The following PEAK1 variants were observed in gnomAD, a reference collection of about 807,000 sequenced individuals.
The protein encoded by PEAK1 is inactive tyrosine-protein kinase PEAK1.
Under a neutral mutation model 124.7 loss-of-function variants are expected in PEAK1, and 54 were observed. That is an observed-to-expected ratio of 0.43 (90% CI 0.35 to 0.54). The LOEUF is 0.54. Ranked by LOEUF, PEAK1 falls within the 20% of genes least tolerant of loss-of-function variation. The pLI is 0.01. For synonymous variants in PEAK1, 719 were observed against 760.0 expected (o/e 0.95, Z 0.89); for missense variants, 2,046 against 2,134.5 (o/e 0.96, Z 0.82).
intron 5 of PEAK1, among the ~76,000 whole-genome samples, chr15:77,257,140 G>A (rs1298558925): frequency 6.6e-6 from 1 of 152,074 alleles, no homozygotes; most frequent in African/African-American, 2.4e-5. Flanking sequence ...TGGACATTTG[G>A]GTTGGTTCCA....
rs546016105 is a variant in PEAK1, at chr15:77,159,637, T to C, written c.3138-941A>G. On this transcript the variant is annotated intron_variant, in intron 7 of 9. Coordinates refer to ENST00000682557, the MANE Select transcript of PEAK1 (RefSeq NM_001385026.1). The stretch of plus-strand genomic sequence containing the variant: ...TTAGCTATTTTTCCTGGTTTCTTTA[T>C]GAAAAAAAGAAAGAAGGAAGGAAAG... 5.9e-5 allele frequency among the ~76,000 whole-genome samples: 9 copies of C among 152,230 alleles called. No homozygotes were observed. In the East Asian group the frequency reaches 1.4e-3, roughly 23 times the overall value.
intron 8 of PEAK1, among the ~76,000 whole-genome samples, chr15:77,137,887 C>A (rs2053466289): frequency 6.6e-6 from 1 of 152,048 alleles, no homozygotes; most frequent in Non-Finnish European, 1.5e-5. Context: ...ATCTTGAATT[C>A]CCACATGTTG....
intron 7 of PEAK1, among the ~76,000 whole-genome samples, chr15:77,171,398 T>TA (rs1195061172): frequency 1.3e-5 from 2 of 152,216 alleles, no homozygotes; most frequent in East Asian, 3.9e-4. Flanking sequence ...TGGAGGACAT[T>TA]ATGCTAGGTG....
rs756962695 is a variant in PEAK1 at position 77,180,301 on chromosome 15, T to C, written c.1626A>G (p.Arg542=). 1.2e-6 allele frequency: 2 copies of C among 1,614,174 alleles called. No individual in the cohort carries two copies. Among genetic ancestry groups the C allele is most frequent in the Non-Finnish European group, 1.7e-6 (2 of 1,180,004 alleles). The part of the protein sequence containing the change: ...QEVWTSSTSP[R]QKIPKVELIT... ...TTAGTTCTACTTTAGGTATCTTTTG[T>C]CGTGGACTGGTGCTAGAAGTCCATA... Residue 542 remains arginine, a synonymous_variant, in exon 7 of 10, where the codon CGA becomes CGG. Coordinates refer to ENST00000682557, the MANE Select transcript of PEAK1 (RefSeq NM_001385026.1).
At chr15:77,336,740 C>T (rs2066224858) in intron 2 of PEAK1, among the ~76,000 whole-genome samples, 1 of 151,738 alleles carries the variant, frequency 6.6e-6, no homozygotes, top group Admixed American at 6.6e-5. Flanking sequence ...TTGAATACAC[C>T]CAAGTGCCAT....
chr15:77,313,650 GTA>G (rs1309164453), intron 2 of PEAK1, among the ~76,000 whole-genome samples: 2,448 of 114,724 alleles, frequency 0.021, 47 homozygotes, highest in African/African-American at 0.032. Context: ...ATGTATGTAT[GTA>G]TGTGTGTGTG....
In PEAK1 at chr15:77,317,301, A is replaced by T. The variant is rs78184512; in HGVS notation, c.-602-30797T>A. 3.5e-3 allele frequency among the ~76,000 whole-genome samples: 538 copies of T among 152,318 alleles called. 7 individuals are homozygous for T. Among genetic ancestry groups the T allele is most frequent in the African/African-American group, 0.012 (507 of 41,574 alleles). On this transcript the variant is annotated intron_variant, in intron 2 of 9. Transcript: ENST00000682557. ...GTATGCATTATTTTTATGAACAGAA[A>T]AACAAAGATAAAATATGCCTTCATT...
At chr15:77,337,339 G>T (rs1209993364) in intron 2 of PEAK1, 10 of 963,168 alleles carry the variant, frequency 1.0e-5, no homozygotes, top group Non-Finnish European at 1.2e-5. Flanking sequence ...TTTGAGAGGA[G>T]AAACCATCAG....
intron 8 of PEAK1, among the ~76,000 whole-genome samples, chr15:77,147,572 G>A (rs1408321192): frequency 6.6e-6 from 1 of 151,992 alleles, no homozygotes; most frequent in Non-Finnish European, 1.5e-5. Flanking sequence ...AGAAACACAG[G>A]GAAAATGTTC....
At chr15:77,309,571 T>C (rs2064308500) in intron 2 of PEAK1, among the ~76,000 whole-genome samples, 1 of 152,124 alleles carries the variant, frequency 6.6e-6, no homozygotes, top group African/African-American at 2.4e-5. Flanking sequence ...AATGTAATGG[T>C]GTAATAAAGT....
chr15:77,203,124 T>C (rs2058452708), intron 6 of PEAK1, among the ~76,000 whole-genome samples: 1 of 151,922 alleles, frequency 6.6e-6, no homozygotes, highest in South Asian at 2.1e-4. Flanking sequence ...TTCATCCTCA[T>C]TGTCTTAATG....
chr15:77,411,431 C>T (rs1236301382), intron 1 of PEAK1, among the ~76,000 whole-genome samples: 3 of 152,128 alleles, frequency 2.0e-5, no homozygotes, highest in East Asian at 1.9e-4. Flanking sequence ...AAACAACCTC[C>T]GAAACTAATG....
In PEAK1 at chr15:77,179,981, C is replaced by T. The variant is rs771457885; in HGVS notation, c.1946G>A (p.Gly649Glu). 8.7e-6 allele frequency: 14 copies of T among 1,613,986 alleles called. No individual in the cohort carries two copies. The highest frequency in any genetic ancestry group is 1.2e-5 in the Non-Finnish European group (14 of 1,179,918). ...GGTTTTTTCCTTCACTGAGAGTTCT[C>T]CACTTGTTCCCAGAAAACTTTTGTA... Reference protein sequence around the residue: ...AIYKSFLGTSGELSVKEKTTS... With the variant: ...AIYKSFLGTSEELSVKEKTTS... Residue 649 changes from glycine to glutamate, a missense_variant, in exon 7 of 10, where the codon GGA becomes GAA. By Grantham distance (98) the Gly-to-Glu change is moderately conservative (BLOSUM62 -2). Transcript: ENST00000682557.
chr15:77,379,835 T>C (rs1488327111), intron 1 of PEAK1, among the ~76,000 whole-genome samples: 1 of 152,178 alleles, frequency 6.6e-6, no homozygotes, highest in Non-Finnish European at 1.5e-5. Flanking sequence ...ATGGGACTTA[T>C]TTCAACCAAT....
intron 2 of PEAK1, among the ~76,000 whole-genome samples, chr15:77,341,522 A>C (rs1470226195): frequency 2.6e-5 from 4 of 151,320 alleles, no homozygotes; most frequent in Non-Finnish European, 5.9e-5. Flanking sequence ...AAAAAGCTCC[A>C]CTGAGCTTTG....
intron 2 of PEAK1, chr15:77,350,745 C>T (rs575489300): frequency 4.1e-6 from 4 of 984,520 alleles, no homozygotes; most frequent in African/African-American, 3.5e-5. Flanking sequence ...GCTGAAGCAC[C>T]TTATGGATTA....
intron 1 of PEAK1, among the ~76,000 whole-genome samples, chr15:77,408,186 CA>C (rs1595873166): frequency 2.0e-5 from 3 of 151,412 alleles, no homozygotes; most frequent in African/African-American, 7.3e-5. Context: ...CACACACACA[CA>C]CCCTGGAATA....
At chr15:77,361,366 G>T (rs1428503994) in intron 2 of PEAK1, among the ~76,000 whole-genome samples, 1 of 152,114 alleles carries the variant, frequency 6.6e-6, no homozygotes, top group African/African-American at 2.4e-5. Context: ...CTTGAGCCCA[G>T]GAGTTTGAGG....
intron 2 of PEAK1, chr15:77,355,876 A>G (rs982723796): frequency 1.0e-6 from 1 of 985,210 alleles, no homozygotes; most frequent in African/African-American, 1.7e-5. Flanking sequence ...ACAGCCCTGG[A>G]AAAATGGAGA....
Sources: gnomAD v4.1 joint callset for allele counts (sites outside exome capture counted in the v4.1 genomes callset) on GRCh38, gnomAD v4.1.1 for gene constraint, MANE v1.5 for transcripts, NCBI Gene and HGNC (gene_info 2026-07-23, HGNC 2026-07-21) for gene names.